The following DPYD variants were observed in gnomAD, a reference collection of about 807,000 sequenced individuals.
DPYD encodes the protein dihydropyrimidine dehydrogenase.
DPYD carries 109 observed loss-of-function variants against 116.2 expected under a neutral mutation model. The ratio of observed to expected loss-of-function variants is 0.94; its 90% CI spans 0.80 to 1.10. The LOEUF (loss-of-function observed/expected upper bound fraction) is 1.10. Among genes scored for constraint, DPYD ranks in the 50% least tolerant of loss-of-function variants. DPYD has a pLI of 0.00. For synonymous variants in DPYD, 440 were observed against 432.0 expected, an observed-to-expected ratio of 1.02 and a Z score of -0.23; for missense variants, 1,302 against 1,254.5, an observed-to-expected ratio of 1.04 and a Z score of -0.57.
chr1:97,515,656 T>C (rs989004482), intron 13 of DPYD, 70 bp downstream of exon 13: 1 of 1,387,252 alleles, frequency 7.2e-7, no homozygotes, highest in Non-Finnish European at 1.0e-6. Flanking sequence ...AAAAAATCCA[T>C]TATAATGTTT....
chr1:97,397,551 T>C (rs1028585063), intron 14 of DPYD, among the ~76,000 whole-genome samples: 3 of 152,050 alleles, frequency 2.0e-5, no homozygotes, highest in African/African-American at 7.2e-5. Context: ...CTCCTGCCTA[T>C]CACTGATTTC....
intron 13 of DPYD, among the ~76,000 whole-genome samples, chr1:97,488,543 T>C (rs1678783043): frequency 1.3e-5 from 2 of 152,222 alleles, no homozygotes; most frequent in Admixed American, 1.3e-4. Context: ...CTCAAATTAC[T>C]GTGAACCTAC....
chr1:97,099,373 A>G (rs1650497090), intron 20 of DPYD, among the ~76,000 whole-genome samples: 1 of 152,146 alleles, frequency 6.6e-6, no homozygotes. Flanking sequence ...ATTGTACTTT[A>G]CAAAGTTCAT....
intron 19 of DPYD, among the ~76,000 whole-genome samples, chr1:97,195,338 C>T (rs1258727672): frequency 1.3e-5 from 2 of 151,578 alleles, no homozygotes; most frequent in African/African-American, 2.4e-5. Flanking sequence ...AAGGAAATGC[C>T]TGAAAACAGA....
intron 12 of DPYD, among the ~76,000 whole-genome samples, chr1:97,517,814 C>G (rs889280743): frequency 2.0e-5 from 3 of 152,094 alleles, no homozygotes; most frequent in Non-Finnish European, 4.4e-5. Flanking sequence ...ATGGCAATAG[C>G]ATAACTACAT....
At chr1:97,373,189 T>C (rs1671397576) in intron 16 of DPYD, among the ~76,000 whole-genome samples, 1 of 152,146 alleles carries the variant, frequency 6.6e-6, no homozygotes, top group Non-Finnish European at 1.5e-5. Context: ...TACTACAAAA[T>C]CACTACGAAC....
chr1:97,169,590 G>C (rs1041263352), intron 20 of DPYD, among the ~76,000 whole-genome samples: 1 of 134,838 alleles, frequency 7.4e-6, no homozygotes, highest in African/African-American at 2.8e-5. Context: ...TGTTGCCCAG[G>C]GTGGAGTGCA....
chr1:97,527,510 T>G (rs1163019225), intron 12 of DPYD, among the ~76,000 whole-genome samples: 1 of 152,152 alleles, frequency 6.6e-6, no homozygotes, highest in Non-Finnish European at 1.5e-5. Context: ...TGAAAAATCT[T>G]ATCAAAAATA....
intron 18 of DPYD, among the ~76,000 whole-genome samples, chr1:97,254,249 C>T (rs1186129774): frequency 6.6e-6 from 1 of 152,100 alleles, no homozygotes; most frequent in Non-Finnish European, 1.5e-5. Context: ...CCTATTGGCT[C>T]TAGGCATTGC....
chr1:97,219,861 C>T (rs972005346), intron 19 of DPYD, among the ~76,000 whole-genome samples: 2 of 152,176 alleles, frequency 1.3e-5, no homozygotes, highest in African/African-American at 4.8e-5. Flanking sequence ...ACCTGAAGTA[C>T]TCCACAAGAT....
At chr1:97,229,572 AT>A (rs1426107628) in intron 19 of DPYD, among the ~76,000 whole-genome samples, 5,436 of 132,986 alleles carry the variant, frequency 0.041, 252 homozygotes, top group African/African-American at 0.07. Context: ...ATATATATAT[AT>A]ATATATATAT....
chr1:97,134,423 C>G (rs1205167132), intron 20 of DPYD, among the ~76,000 whole-genome samples: 3 of 152,106 alleles, frequency 2.0e-5, no homozygotes, highest in Non-Finnish European at 2.9e-5. Context: ...TGGTCTGCTA[C>G]CGACAGGCTG....
intron 2 of DPYD, among the ~76,000 whole-genome samples, chr1:97,864,643 T>G (rs752026627): frequency 1.3e-5 from 2 of 151,662 alleles, no homozygotes; most frequent in African/African-American, 4.8e-5. Flanking sequence ...GAATACTGAA[T>G]AGTGAGGATG....
At chr1:97,126,730 T>A (rs1193134970) in intron 20 of DPYD, among the ~76,000 whole-genome samples, 1 of 152,202 alleles carries the variant, frequency 6.6e-6, no homozygotes, top group Non-Finnish European at 1.5e-5. Context: ...CACAGACAAC[T>A]GTTCAAATAC....
At chr1:97,381,683 T>C (rs140999056) in intron 15 of DPYD, among the ~76,000 whole-genome samples, 23 of 152,346 alleles carry the variant, frequency 1.5e-4, no homozygotes, top group Non-Finnish European at 3.2e-4. Flanking sequence ...TTGGTATAGT[T>C]AGATTTAGTC....
intron 20 of DPYD, among the ~76,000 whole-genome samples, chr1:97,161,191 T>C (rs1341214181): frequency 2.0e-5 from 3 of 152,158 alleles, no homozygotes; most frequent in Non-Finnish European, 4.4e-5. Context: ...ATTAATTTCT[T>C]CAAGGATTTT....
intron 3 of DPYD, among the ~76,000 whole-genome samples, chr1:97,754,367 A>G (rs1325495902): frequency 3.3e-5 from 5 of 152,196 alleles, no homozygotes; most frequent in African/African-American, 1.2e-4. Flanking sequence ...GAAAAACAGG[A>G]AAATAAAAAA....
intron 2 of DPYD, among the ~76,000 whole-genome samples, chr1:97,842,047 G>T (rs1445608952): frequency 1.3e-5 from 2 of 151,720 alleles, no homozygotes; most frequent in Non-Finnish European, 2.9e-5. Context: ...CTAAGGGCCT[G>T]GATCTTCTCT....
Position 97,873,704 on chromosome 1 carries a change from C to A in DPYD, c.150+9560G>T, listed in dbSNP as rs562453211. Among the ~76,000 whole-genome samples the A allele has an allele frequency of 2.0e-5, 3 of 151,960 alleles. No individual in the cohort carries two copies. In the East Asian group the frequency reaches 5.8e-4, roughly 30 times the overall value. On this transcript the variant is annotated intron_variant, in intron 2 of 22. Coordinates refer to ENST00000370192, the MANE Select transcript of DPYD (RefSeq NM_000110.4). ...AATTAACAAAACAACAGTAATAGTT[C>A]TCATCCACCAGAATATAAGTTTTGG...
Sources: gnomAD v4.1 joint callset for allele counts (sites outside exome capture counted in the v4.1 genomes callset) on GRCh38, gnomAD v4.1.1 for gene constraint, MANE v1.5 for transcripts, NCBI Gene and HGNC (gene_info 2026-07-23, HGNC 2026-07-21) for gene names.